The following TMCO6 variants were observed in gnomAD, a reference collection of about 807,000 sequenced individuals.
The protein encoded by TMCO6 is transmembrane and coiled-coil domain-containing protein 6.
A neutral mutation model predicts 61.8 loss-of-function variants in TMCO6; 47 were observed. The observed-to-expected ratio is 0.76, with a 90% confidence interval of 0.60 to 0.97. The LOEUF (loss-of-function observed/expected upper bound fraction) is 0.97. Ranked by LOEUF, TMCO6 falls within the 50% of genes least tolerant of loss-of-function variation. The probability of loss-of-function intolerance (pLI) is 0.00; values close to 1 mark genes in which losing one functional copy is unlikely to be tolerated. For missense variants in TMCO6, 557 were observed against 601.6 expected, an observed-to-expected ratio of 0.93 and a Z score of 0.78; for synonymous variants, 261 against 254.2, an observed-to-expected ratio of 1.03 and a Z score of -0.25.
At chr5:140,627,171 A>C in the TMCO6 span, among the ~76,000 whole-genome samples, 1 of 151,322 alleles carries the variant, frequency 6.6e-6, no homozygotes, top group South Asian at 2.1e-4. Flanking sequence ...ACTAGTCTCA[A>C]TTGCATATGT....
chr5:140,620,946 G>A, the TMCO6 span, among the ~76,000 whole-genome samples: 1 of 152,042 alleles, frequency 6.6e-6, no homozygotes, highest in Non-Finnish European at 1.5e-5. Flanking sequence ...CCAGGAGGTC[G>A]AGTCTACAGT....
At chr5:140,642,074 T>A in intron 4 of TMCO6, 21 bp downstream of exon 4, 1 of 1,583,924 alleles carries the variant, frequency 6.3e-7, no homozygotes, top group Non-Finnish European at 8.6e-7. Flanking sequence ...TCCCTTCCTA[T>A]CTTGTTCTTG....
At chr5:140,602,678 C>T in the TMCO6 span, among the ~76,000 whole-genome samples, 5 of 151,864 alleles carry the variant, frequency 3.3e-5, no homozygotes, top group Admixed American at 6.6e-5. Context: ...GCAGGAGAAT[C>T]GCTTGAACCT....
At chr5:140,633,013 TC>T in the TMCO6 span, 1 of 1,614,040 alleles carries the variant, frequency 6.2e-7, no homozygotes, top group East Asian at 2.2e-5. Flanking sequence ...GGAGGCCCCA[TC>T]CAACCCCTGT....
the TMCO6 span, chr5:140,632,683 C>A: frequency 5.0e-6 from 8 of 1,613,724 alleles, no homozygotes; most frequent in East Asian, 1.3e-4. The surrounding 1 kb of genome is among the most constrained non-coding windows in gnomAD (Gnocchi z 6.2). Context: ...TGAGCAGGAA[C>A]CTGTGCGGCT....
intron 7 of TMCO6, 96 bp from the exon 8 acceptor site, chr5:140,643,468 A>G (rs555294408): frequency 5.1e-6 from 6 of 1,171,492 alleles, no homozygotes; most frequent in South Asian, 3.7e-5. Flanking sequence ...AAGTGCTGGG[A>G]TTACAGGCAT....
Position 140,643,021 on chromosome 5 carries a change from CCTT to C in TMCO6, c.788_790del (p.Leu263del). 2 of 1,614,184 alleles carry C rather than the reference CCTT, an allele frequency of 1.2e-6. No individual in the cohort carries two copies. The highest frequency in any genetic ancestry group is 1.7e-6 in the Non-Finnish European group (2 of 1,180,030). ...GGGTCGCTGTGGAGTTTGCCTGGTG[CCTT>C]CATTACATCATCTGCAGGTAACAGG... is the stretch of plus-strand genomic sequence containing the variant. On this transcript the variant is annotated inframe_deletion, in exon 7 of 12. Transcript: ENST00000394671.
intron 7 of TMCO6, 102 bp from the exon 8 acceptor site, chr5:140,643,462 G>T (rs1757175198): frequency 1.4e-5 from 15 of 1,098,794 alleles, no homozygotes; most frequent in Non-Finnish European, 1.9e-5. Flanking sequence ...CTCCCAAAGT[G>T]CTGGGATTAC....
the TMCO6 span, among the ~76,000 whole-genome samples, chr5:140,619,684 A>G: frequency 6.6e-6 from 1 of 152,172 alleles, no homozygotes; most frequent in African/African-American, 2.4e-5. Context: ...CTTAGTCTGT[A>G]AAAAAGTGTG....
intron 2 of TMCO6, among the ~76,000 whole-genome samples, chr5:140,640,642 C>T (rs1270544804): frequency 6.6e-6 from 1 of 152,184 alleles, no homozygotes; most frequent in Non-Finnish European, 1.5e-5. Flanking sequence ...CATGATCCAC[C>T]CGCCTTGGCC....
the TMCO6 span, among the ~76,000 whole-genome samples, chr5:140,608,004 G>C: frequency 6.6e-6 from 1 of 151,992 alleles, no homozygotes; most frequent in Non-Finnish European, 1.5e-5. Context: ...TGGCCAGGCT[G>C]GTCTCGAAAT....
the TMCO6 span, among the ~76,000 whole-genome samples, chr5:140,608,726 G>C: frequency 2.6e-5 from 4 of 152,172 alleles, no homozygotes; most frequent in African/African-American, 9.7e-5. Context: ...TGGATATCCA[G>C]GTGTCCCTTT....
the TMCO6 span, among the ~76,000 whole-genome samples, chr5:140,613,386 TA>T: frequency 4.8e-4 from 42 of 87,440 alleles, no homozygotes; most frequent in East Asian, 7.4e-4. Flanking sequence ...AGACTCTGAC[TA>T]AAAAAAAAAA....
Position 140,643,927 on chromosome 5 carries a change from C to CTGCT in TMCO6, c.1067_1070dup (p.Pro358AlafsTer3). ...GTTCTTTTTCCAGAAACAGCCCAGT[C>CTGCT]TGCTCCCTGAGGGCCTTTGGCTCCT... On this transcript the variant is annotated frameshift_variant, in exon 9 of 12. Transcript: ENST00000394671. LOFTEE classifies it high-confidence loss of function. The CTGCT allele has an allele frequency of 6.2e-7, 1 of 1,614,230 alleles. No homozygotes were observed. The highest frequency in any genetic ancestry group is 8.5e-7 in the Non-Finnish European group (1 of 1,180,034).
At chr5:140,637,084 G>C (rs1397311031), upstream of TMCO6, among the ~76,000 whole-genome samples, 2 of 152,296 alleles carry the variant, frequency 1.3e-5, no homozygotes, top group East Asian at 3.9e-4. Flanking sequence ...AGGGAAGGAT[G>C]CTGGTAGAAA....
the TMCO6 span, among the ~76,000 whole-genome samples, chr5:140,614,614 A>G: frequency 6.6e-6 from 1 of 151,540 alleles, no homozygotes; most frequent in Non-Finnish European, 1.5e-5. Context: ...TCTTTCTTTC[A>G]TTCCTTTTTT....
the TMCO6 span, among the ~76,000 whole-genome samples, chr5:140,612,621 G>A: frequency 1.3e-5 from 2 of 152,294 alleles, no homozygotes; most frequent in Admixed American, 6.5e-5. Context: ...TTACAGGCGT[G>A]AGCCACCGCT....
At position 140,645,222 on chromosome 5, in the gene TMCO6, G is replaced by A; in HGVS notation, c.*124G>A. 2 of 988,546 alleles carry A rather than the reference G, an allele frequency of 2.0e-6. No individual in the cohort carries two copies. Among genetic ancestry groups the A allele is most frequent in the Non-Finnish European group, 3.1e-6 (2 of 655,108 alleles). 61.2% of individuals were successfully genotyped at this position (988,546 alleles called of 1,614,324 possible). A position where few individuals can be genotyped will look rare whatever the true frequency, so the allele number is the denominator to read the frequency against. On this transcript the variant is annotated 3_prime_UTR_variant, in exon 12 of 12. Transcript: ENST00000394671. ...TTCTCTGCTCCCACACCTAAGCCAA[G>A]ACCTTTGGGTCCCAGCTCCTCCCCT... is the stretch of plus-strand genomic sequence containing the variant.
chr5:140,639,900 G>C, intron 2 of TMCO6, 49 bp downstream of exon 2: 2 of 1,515,670 alleles, frequency 1.3e-6, no homozygotes, highest in Non-Finnish European at 1.8e-6. Context: ...GCTGGCGCCA[G>C]ACTCCCGGGA....
Sources: allele counts gnomAD v4.1 joint callset (sites outside exome capture counted in the v4.1 genomes callset), GRCh38; gene constraint gnomAD v4.1.1; non-coding constraint Gnocchi (gnomAD v3.1); transcripts MANE v1.5; gene names NCBI Gene and HGNC (gene_info 2026-07-23, HGNC 2026-07-21).